Variants in SLAMF9 observed in about 807,000 individuals in gnomAD.
SLAMF9 encodes the protein CD2 family member 10.
A neutral mutation model predicts 30.4 loss-of-function variants in SLAMF9; 25 were observed. That is an observed-to-expected ratio of 0.82 (90% CI 0.60 to 1.15). The LOEUF is 1.15. Ranked by LOEUF, SLAMF9 falls within the 50% of genes most tolerant of loss-of-function variation. SLAMF9 has a pLI of 0.00. For missense variants in SLAMF9, 344 were observed against 346.1 expected (o/e 0.99, Z 0.05); for synonymous variants, 129 against 127.2 (o/e 1.01, Z -0.09).
At chr1:159,976,489 C>T in the SLAMF9 span, among the ~76,000 whole-genome samples, 32 of 152,232 alleles carry the variant, frequency 2.1e-4, no homozygotes, top group African/African-American at 7.7e-4. Flanking sequence ...GACTGGGTAA[C>T]CAACTCATGG....
chr1:159,959,716 G>A, the SLAMF9 span, among the ~76,000 whole-genome samples: 3 of 152,092 alleles, frequency 2.0e-5, no homozygotes, highest in African/African-American at 7.2e-5. Flanking sequence ...TGGGGAAGAG[G>A]TGTGGACTCA....
chr1:159,973,056 G>A, the SLAMF9 span: 31,457 of 1,433,662 alleles, frequency 0.022, 692 homozygotes, highest in African/African-American at 0.089. Context: ...CTCGGGGGCC[G>A]CCTCACACCA....
At chr1:159,982,707 C>T in the SLAMF9 span, among the ~76,000 whole-genome samples, 1 of 152,228 alleles carries the variant, frequency 6.6e-6, no homozygotes, top group East Asian at 1.9e-4. Context: ...TATATGGGTA[C>T]ATATGCATAC....
chr1:159,974,069 A>G, the SLAMF9 span: 3 of 1,581,106 alleles, frequency 1.9e-6, no homozygotes, highest in Non-Finnish European at 1.7e-6. Context: ...GCCAGGCTGC[A>G]AGGCAGAGGA....
upstream of SLAMF9, among the ~76,000 whole-genome samples, chr1:159,955,464 G>A (rs796605333): frequency 2.2e-4 from 34 of 152,200 alleles, no homozygotes; most frequent in African/African-American, 7.2e-4. Context: ...TCAAGACCAA[G>A]GGAACAATAG....
the SLAMF9 span, among the ~76,000 whole-genome samples, chr1:159,962,043 A>G: frequency 2.6e-5 from 4 of 152,150 alleles, no homozygotes; most frequent in African/African-American, 9.7e-5. Context: ...CTATAATGCC[A>G]GGTACCTGGG....
At chr1:159,953,183 G>C in intron 2 of SLAMF9, 126 bp downstream of exon 2, 1 of 747,294 alleles carries the variant, frequency 1.3e-6, no homozygotes, top group East Asian at 2.6e-5. Context: ...ATCTAGATTG[G>C]AGACAGTCTG....
the SLAMF9 span, chr1:159,980,753 T>C: frequency 0.21 from 32,082 of 152,304 alleles, 3,628 homozygotes; most frequent in African/African-American, 0.29. Context: ...GTTGGTCAGG[T>C]TGGTCTCGAA....
the SLAMF9 span, among the ~76,000 whole-genome samples, chr1:159,971,071 C>T: frequency 2.4e-3 from 371 of 152,294 alleles, 8 homozygotes; most frequent in Admixed American, 0.019. Flanking sequence ...CTAAATCACA[C>T]GCTGCCCACG....
chr1:159,958,473 T>A (rs889222003), upstream of SLAMF9, among the ~76,000 whole-genome samples: 2 of 151,784 alleles, frequency 1.3e-5, no homozygotes, highest in African/African-American at 4.8e-5. Flanking sequence ...TTTTTTTTTT[T>A]ATTAAGAGAC....
At chr1:159,982,490 C>G in the SLAMF9 span, among the ~76,000 whole-genome samples, 1 of 152,152 alleles carries the variant, frequency 6.6e-6, no homozygotes, top group Non-Finnish European at 1.5e-5. Flanking sequence ...CAAATGTTCC[C>G]TTCTCGATAG....
the SLAMF9 span, among the ~76,000 whole-genome samples, chr1:159,971,790 G>C: frequency 6.6e-6 from 1 of 152,016 alleles, no homozygotes; most frequent in African/African-American, 2.4e-5. Context: ...GCAGGGTCAG[G>C]GTCACAGTTG....
the SLAMF9 span, among the ~76,000 whole-genome samples, chr1:159,966,919 A>G: frequency 6.6e-6 from 1 of 151,060 alleles, no homozygotes; most frequent in Non-Finnish European, 1.5e-5. Flanking sequence ...GGGTCTGTTC[A>G]CTTTGTTGTT....
rs1651825162 is a variant in SLAMF9 at position 159,953,305 on chromosome 1, T to G, written c.391+4A>C. On this transcript the variant is annotated splice_donor_region_variant and intron_variant, in intron 2 of 3. Transcript: ENST00000368093. ...CAGCTTTATGGTTCCCAGCCTAAAC[T>G]CACGGTAGACACATATATTGTACTG... is the stretch of plus-strand genomic sequence containing the variant. 1 of 1,591,868 alleles carries G rather than the reference T, an allele frequency of 6.3e-7. No individual in the cohort carries two copies. The highest frequency in any genetic ancestry group is 1.3e-5 in the African/African-American group (1 of 74,654).
chr1:159,960,128 TA>T, the SLAMF9 span, among the ~76,000 whole-genome samples: 12 of 151,382 alleles, frequency 7.9e-5, no homozygotes, highest in Non-Finnish European at 1.3e-4. Flanking sequence ...ACTCGTCATT[TA>T]GCATTAGGTA....
At chr1:159,976,918 AAG>A in the SLAMF9 span, 1 of 1,412 alleles carries the variant, frequency 7.1e-4, no homozygotes, top group African/African-American at 7.9e-4. Flanking sequence ...GAAAAAAAGA[AAG>A]AAAGAAAGAA....
chr1:159,976,086 AGTGTGTGT>A, the SLAMF9 span, among the ~76,000 whole-genome samples: 1,841 of 147,926 alleles, frequency 0.012, 22 homozygotes, highest in African/African-American at 0.035. Flanking sequence ...TATAGGTTGT[AGTGTGTGT>A]GTGTGTGTGT....
chr1:159,968,593 C>T, the SLAMF9 span, among the ~76,000 whole-genome samples: 3 of 152,262 alleles, frequency 2.0e-5, no homozygotes, highest in East Asian at 5.8e-4. Context: ...GAGGGACTGT[C>T]TGGGATTCTG....
the SLAMF9 span, among the ~76,000 whole-genome samples, chr1:159,971,101 G>A: frequency 1.2e-4 from 18 of 152,228 alleles, no homozygotes; most frequent in Admixed American, 5.9e-4. Flanking sequence ...GTCAGTCACC[G>A]GCCCTTCCAA....
Sources: gnomAD v4.1 joint callset for allele counts (sites outside exome capture counted in the v4.1 genomes callset) on GRCh38, gnomAD v4.1.1 for gene constraint, MANE v1.5 for transcripts, NCBI Gene and HGNC (gene_info 2026-07-23, HGNC 2026-07-21) for gene names.